Variants in SENP5 observed in about 807,000 individuals in gnomAD.
The protein encoded by SENP5 is sentrin-specific protease 5.
SENP5 carries 21 observed loss-of-function variants against 74.2 expected under a neutral mutation model. The observed-to-expected ratio is 0.28, with a 90% CI of 0.20 to 0.41. SENP5 has a LOEUF of 0.41. Ranked by LOEUF, SENP5 falls within the 10% of genes least tolerant of loss-of-function variation. The pLI, the probability that SENP5 is intolerant of heterozygous loss-of-function variation, is 1.00. For synonymous variants in SENP5, 311 were observed against 312.7 expected (o/e 0.99, Z 0.06); for missense variants, 717 against 889.1 (o/e 0.81, Z 2.46).
intron 1 of SENP5, among the ~76,000 whole-genome samples, chr3:196,876,390 T>TG (rs1026298896): frequency 6.6e-6 from 1 of 151,380 alleles, no homozygotes; most frequent in Admixed American, 6.6e-5. Context: ...CCGGGCCTGG[T>TG]GGCGGGCGTC....
chr3:196,907,500 G>A (rs1200383542), intron 6 of SENP5, among the ~76,000 whole-genome samples: 1 of 151,890 alleles, frequency 6.6e-6, no homozygotes, highest in Non-Finnish European at 1.5e-5. Flanking sequence ...TTCCATTTGG[G>A]GTGGGAAAAA....
intron 1 of SENP5, among the ~76,000 whole-genome samples, chr3:196,883,962 G>T (rs557881755): frequency 2.0e-5 from 3 of 152,196 alleles, no homozygotes; most frequent in Admixed American, 6.5e-5. Flanking sequence ...AAAGTGCTGG[G>T]ATTACAGGCA....
At chr3:196,922,451 C>A (rs748073788) in intron 6 of SENP5, among the ~76,000 whole-genome samples, 1 of 151,374 alleles carries the variant, frequency 6.6e-6, no homozygotes, top group Admixed American at 6.6e-5. Context: ...GCTGCTTACA[C>A]CATGTCTGTA....
Position 196,931,152 on chromosome 3 carries a change from C to T in SENP5, c.*229C>T, listed in dbSNP as rs957822177. 4.2e-6 allele frequency: 2 copies of T among 475,410 alleles called. No individual in the cohort carries two copies. Among genetic ancestry groups the T allele is most frequent in the Admixed American group, 7.2e-5 (2 of 27,760 alleles). The allele number at this position is 475,410 out of a possible 1,614,324, so 29.4% of individuals were successfully genotyped here. On this transcript the variant is annotated 3_prime_UTR_variant, in exon 10 of 10. Transcript: ENST00000323460. The stretch of plus-strand genomic sequence containing the variant: ...TAATTTTATGGTTCTGTGCGTCCCC[C>T]ATATTTAATATTTATTATTCAAACG...
At chr3:196,889,815 T>C (rs1714129888) in intron 2 of SENP5, among the ~76,000 whole-genome samples, 1 of 152,164 alleles carries the variant, frequency 6.6e-6, no homozygotes, top group East Asian at 1.9e-4. Flanking sequence ...GGAAGATTAG[T>C]ACAGGGAAGT....
At chr3:196,898,279 A>G (rs879632232) in intron 2 of SENP5, among the ~76,000 whole-genome samples, 1 of 151,808 alleles carries the variant, frequency 6.6e-6, no homozygotes, top group Middle Eastern at 3.2e-3. Flanking sequence ...GCACATATAC[A>G]TGTTACTTAC....
chr3:196,885,338 C>T lies in SENP5; in HGVS notation c.157C>T (p.Gln53Ter). Residue 53 changes from glutamine (Q) to a stop codon, truncating the protein, a stop_gained, in exon 2 of 10, where the codon CAG (glutamine) becomes TAG (stop). Transcript: ENST00000323460. LOFTEE classifies it high-confidence loss of function. ...KLGRPVTWNR[Q>*]LRHFQGRKKA... ...GGGAAGGCCAGTTACTTGGAATAGA[C>T]AGTTGAGACATTTCCAGGGTAGAAA... The T allele has an allele frequency of 6.2e-7, 1 of 1,614,150 alleles. No individual in the cohort carries two copies. Among genetic ancestry groups the T allele is most frequent in the Non-Finnish European group, 8.5e-7 (1 of 1,180,036 alleles).
intron 1 of SENP5, among the ~76,000 whole-genome samples, 187 bp downstream of exon 1, chr3:196,868,260 A>G (rs1039238800): frequency 1.3e-5 from 2 of 152,148 alleles, no homozygotes; most frequent in Non-Finnish European, 2.9e-5. Context: ...GAGGCGAGCG[A>G]GCTCGTCCCG....
At chr3:196,917,164 A>T (rs1392597710) in intron 6 of SENP5, among the ~76,000 whole-genome samples, 1 of 152,002 alleles carries the variant, frequency 6.6e-6, no homozygotes, top group Non-Finnish European at 1.5e-5. Flanking sequence ...AACACAAAAA[A>T]CAAATTCTGG....
intron 6 of SENP5, among the ~76,000 whole-genome samples, chr3:196,916,331 A>C (rs546136907): frequency 7.9e-5 from 12 of 152,078 alleles, no homozygotes; most frequent in African/African-American, 2.9e-4. Context: ...GTCTCAAAAA[A>C]CAAACAAACA....
At chr3:196,923,576 T>C in intron 7 of SENP5, 25 bp downstream of exon 7, 1 of 1,529,960 alleles carries the variant, frequency 6.5e-7, no homozygotes. Context: ...TGCCTATTTT[T>C]TCATTTATTT....
At chr3:196,906,158 T>C (rs1714893452) in intron 6 of SENP5, among the ~76,000 whole-genome samples, 1 of 151,996 alleles carries the variant, frequency 6.6e-6, no homozygotes, top group Non-Finnish European at 1.5e-5. Flanking sequence ...AGGTGGAGGT[T>C]GCTGTGAGCC....
At chr3:196,922,987 A>G (rs1715680420) in intron 6 of SENP5, among the ~76,000 whole-genome samples, 1 of 152,104 alleles carries the variant, frequency 6.6e-6, no homozygotes, top group Non-Finnish European at 1.5e-5. Flanking sequence ...TCCTGGGCTC[A>G]AGCAGTTTTT....
intron 6 of SENP5, among the ~76,000 whole-genome samples, chr3:196,915,001 C>G (rs1260917348): frequency 3.9e-5 from 6 of 152,166 alleles, no homozygotes; most frequent in Non-Finnish European, 7.3e-5. Flanking sequence ...GAATACAACA[C>G]AGGGCAGAAT....
At chr3:196,919,769 G>C (rs1715533447) in intron 6 of SENP5, among the ~76,000 whole-genome samples, 1 of 151,292 alleles carries the variant, frequency 6.6e-6, no homozygotes, top group Admixed American at 6.6e-5. Flanking sequence ...CTGCAGCCTG[G>C]GCAACAAGAG....
In SENP5 at chr3:196,886,138, G is replaced by T; in HGVS notation, c.957G>T (p.Thr319=). The T allele has an allele frequency of 6.2e-7, 1 of 1,614,164 alleles. No individual in the cohort carries two copies. The highest frequency in any genetic ancestry group is 1.1e-5 in the South Asian group (1 of 91,062). ...DMDSSAVVKG[T]NSHVPDCHTK... ...ACAGCAGTGCTGTGGTGAAGGGGAC[G>T]AACTCTCATGTGCCTGATTGCCACA... Residue 319 remains threonine (T), a synonymous_variant, in exon 2 of 10, where the codon ACG becomes ACT. Transcript: ENST00000323460.
intron 2 of SENP5, among the ~76,000 whole-genome samples, chr3:196,896,476 A>G (rs1714446624): frequency 6.6e-6 from 1 of 151,774 alleles, no homozygotes; most frequent in Non-Finnish European, 1.5e-5. Flanking sequence ...ATTGATTGAG[A>G]TGAGGTCTCG....
At chr3:196,915,126 G>A (rs1452696933) in intron 6 of SENP5, among the ~76,000 whole-genome samples, 1 of 152,220 alleles carries the variant, frequency 6.6e-6, no homozygotes, top group Non-Finnish European at 1.5e-5. Flanking sequence ...GAGTAAAGTG[G>A]ACTTGGGTCC....
chr3:196,916,515 G>GA (rs1252845188), intron 6 of SENP5, among the ~76,000 whole-genome samples: 12 of 142,236 alleles, frequency 8.4e-5, no homozygotes, highest in Non-Finnish European at 1.4e-4. Context: ...AGAAATTTAA[G>GA]AAAGAGATTG....
Sources: gnomAD v4.1 joint callset for allele counts (sites outside exome capture counted in the v4.1 genomes callset) on GRCh38, gnomAD v4.1.1 for gene constraint, MANE v1.5 for transcripts, NCBI Gene and HGNC (gene_info 2026-07-23, HGNC 2026-07-21) for gene names.